Variants in MYH7B observed in about 807,000 individuals in gnomAD.
MYH7B encodes myosin heavy chain 7B.
A neutral mutation model predicts 234.5 loss-of-function variants in MYH7B; 205 were observed. That is an observed-to-expected ratio of 0.87 (90% CI 0.78 to 0.98). MYH7B has a LOEUF of 0.98. Ranked by LOEUF, MYH7B falls within the 50% of genes least tolerant of loss-of-function variation. MYH7B has a pLI of 0.00. For synonymous variants in MYH7B, 1,193 were observed against 1,105.0 expected (o/e 1.08, Z -1.58); for missense variants, 2,652 against 2,633.4 (o/e 1.01, Z -0.15).
chr20:34,997,438 G>A (rs2082282784), exon 32 of MYH7B: 3 of 1,472,514 alleles, frequency 2.0e-6, no homozygotes, highest in East Asian at 2.7e-5. Context: ...GGGAGGCTGC[G>A]GCGGGAGCTG....
In MYH7B at chr20:34,987,305, G is replaced by A; in HGVS notation, c.1147+18G>A. ...CACTGAGAGTGAGGGGCCCTAACCT[G>A]GCCTTCAACTTGACCCAGACCTCAG... On this transcript the variant is annotated intron_variant, in intron 16 of 44. Coordinates refer to ENST00000262873, the Ensembl canonical transcript of MYH7B. 6.2e-7 allele frequency: 1 copy of A among 1,608,568 alleles called. No individual in the cohort carries two copies. The highest frequency in any genetic ancestry group is 8.5e-7 in the Non-Finnish European group (1 of 1,179,566).
At chr20:34,997,204 G>A (rs1388696528) in intron 31 of MYH7B, 31 bp downstream of exon 31, 3 of 1,552,322 alleles carry the variant, frequency 1.9e-6, no homozygotes, top group Non-Finnish European at 2.6e-6. Flanking sequence ...TGAGGCCTGG[G>A]GTCAGAGGCC....
chr20:34,985,841 G>A (rs931466232), intron 13 of MYH7B, among the ~76,000 whole-genome samples: 1 of 151,894 alleles, frequency 6.6e-6, no homozygotes, highest in Non-Finnish European at 1.5e-5. Flanking sequence ...ACCTGCACAC[G>A]CAGACACCAC....
At chr20:34,983,298 C>CTTTTTTT (rs57589264) in intron 10 of MYH7B, among the ~76,000 whole-genome samples, 1 of 71,666 alleles carries the variant, frequency 1.4e-5, no homozygotes, top group African/African-American at 3.6e-5. Flanking sequence ...CTTTTCTTTT[C>CTTTTTTT]TTTTTTTTTT....
intron 4 of MYH7B, 95 bp from the exon 5 acceptor site, chr20:34,977,839 C>A: frequency 1.3e-6 from 2 of 1,543,340 alleles, no homozygotes; most frequent in Non-Finnish European, 1.8e-6. Context: ...CCCAAGGAGG[C>A]TGCATTGGGA....
At chr20:34,999,377 G>T (rs753750954) in exon 36 of MYH7B, 3 of 1,526,482 alleles carry the variant, frequency 2.0e-6, no homozygotes, top group Non-Finnish European at 2.6e-6. Flanking sequence ...CCCTGGAGAC[G>T]CTCAAGCGGG....
intron 2 of MYH7B, among the ~76,000 whole-genome samples, chr20:34,968,822 G>C (rs1489871999): frequency 6.6e-6 from 1 of 152,212 alleles, no homozygotes; most frequent in South Asian, 2.1e-4. Flanking sequence ...GTAGCGTAGA[G>C]GATGGAGCCC....
intron 7 of MYH7B, chr20:34,980,255 C>T (rs998811701): frequency 2.7e-5 from 9 of 338,524 alleles, no homozygotes; most frequent in Non-Finnish European, 5.0e-5. Context: ...CTCCCAAAAC[C>T]CTACCTATGG....
chr20:34,999,914 C>T lies in MYH7B; in HGVS notation c.4781+8C>T, dbSNP rs758454941. 1.2e-6 allele frequency: 2 copies of T among 1,610,756 alleles called. No individual in the cohort carries two copies. The highest frequency in any genetic ancestry group is 1.3e-5 in the African/African-American group (1 of 74,842). ...GGAGTGCGCTAACCTGAGGTGTGTCCATCCTTCTCCCGTCCCCACCTCCCG... is the reference window on the plus strand; with the variant it reads ...GGAGTGCGCTAACCTGAGGTGTGTCTATCCTTCTCCCGTCCCCACCTCCCG... On this transcript the variant is annotated splice_region_variant and intron_variant, in intron 38 of 44. Transcript: ENST00000262873.
At chr20:34,980,952 C>T in intron 8 of MYH7B, 81 bp from the exon 9 acceptor site, 2 of 1,590,188 alleles carry the variant, frequency 1.3e-6, no homozygotes, top group Admixed American at 1.7e-5. Flanking sequence ...GGGGTCTGCC[C>T]CAGATGGATA....
chr20:35,001,933 T>TGTG lies in MYH7B; in HGVS notation c.5677-14_5677-12dup. ...AGTCACCCAAGCGGAACCAAGGCCC[T>TGTG]GTGTGTGCCCCCAGGAGCAGCAGGC... is the stretch of plus-strand genomic sequence containing the variant. On this transcript the variant is annotated splice_polypyrimidine_tract_variant and intron_variant, in intron 43 of 44. Coordinates refer to ENST00000262873, the Ensembl canonical transcript of MYH7B. 6.2e-7 allele frequency: 1 copy of TGTG among 1,609,676 alleles called. No homozygotes were observed. Among genetic ancestry groups the TGTG allele is most frequent in the South Asian group, 1.1e-5 (1 of 90,590 alleles).
At chr20:34,981,040 C>T in exon 9 of MYH7B, 1 of 1,614,088 alleles carries the variant, frequency 6.2e-7, no homozygotes, top group Non-Finnish European at 8.5e-7. Flanking sequence ...CAGACCGAGA[C>T]AACCAGTCCA....
rs757516018 is a variant in MYH7B at position 34,996,772 on chromosome 20, G to A, written c.3266+14G>A. ...GAAGCTCAAGAAGTAGGTGTGGTGGGGCAGCAGGTGGGGGCCTTCTGAGCC... is the reference window on the plus strand; with the variant it reads ...GAAGCTCAAGAAGTAGGTGTGGTGGAGCAGCAGGTGGGGGCCTTCTGAGCC... On this transcript the variant is annotated intron_variant, in intron 30 of 44. Transcript: ENST00000262873. The A allele has an allele frequency of 6.2e-7, 1 of 1,604,224 alleles. No homozygotes were observed. Among genetic ancestry groups the A allele is most frequent in the Non-Finnish European group, 8.5e-7 (1 of 1,176,134 alleles).
chr20:35,001,511 CCA>C lies in MYH7B; in HGVS notation c.5662_5663del (p.Gln1888ValfsTer2). 6.2e-7 allele frequency: 1 copy of C among 1,609,056 alleles called. No homozygotes were observed. ...AGAGCAAGGTCAAGAGCTACAAGCG[CCA>C]GTTTGAGGAGGCGGTGAGTGCGCTG... On this transcript the variant is annotated frameshift_variant, in exon 43 of 45. Coordinates refer to ENST00000262873, the Ensembl canonical transcript of MYH7B. LOFTEE classifies it high-confidence loss of function.
At chr20:34,987,347 G>A in intron 16 of MYH7B, 60 bp downstream of exon 16, 1 of 1,591,642 alleles carries the variant, frequency 6.3e-7, no homozygotes, top group Non-Finnish European at 8.5e-7. Context: ...GTCCATGATG[G>A]TTAACCCCAA....
intron 2 of MYH7B, among the ~76,000 whole-genome samples, chr20:34,969,966 T>C (rs2081777922): frequency 6.6e-6 from 1 of 152,120 alleles, no homozygotes; most frequent in Non-Finnish European, 1.5e-5. Context: ...CATATAATGC[T>C]CATCACAGCA....
At chr20:34,962,213 C>T (rs886684499) in intron 2 of MYH7B, among the ~76,000 whole-genome samples, 7 of 152,192 alleles carry the variant, frequency 4.6e-5, no homozygotes, top group Non-Finnish European at 8.8e-5. Context: ...GGTGACAGAG[C>T]GAGACCCTGT....
exon 36 of MYH7B, chr20:34,999,164 G>C: frequency 6.2e-7 from 1 of 1,613,758 alleles, no homozygotes; most frequent in Non-Finnish European, 8.5e-7. Flanking sequence ...CAGAGTCAGA[G>C]GATGTAACCC....
chr20:34,996,378 G>A (rs749156715), exon 29 of MYH7B: 33 of 1,607,230 alleles, frequency 2.1e-5, no homozygotes, highest in Non-Finnish European at 2.5e-5. Flanking sequence ...TGGCTGCGCT[G>A]GACGAGTCAG....
Sources: gnomAD v4.1 joint callset for allele counts (sites outside exome capture counted in the v4.1 genomes callset) on GRCh38, gnomAD v4.1.1 for gene constraint, MANE v1.5 for transcripts, NCBI Gene and HGNC (gene_info 2026-07-23, HGNC 2026-07-21) for gene names.